The following CCDC88C variants were observed in gnomAD, a reference collection of about 807,000 sequenced individuals.
CCDC88C encodes protein Daple.
A neutral mutation model predicts 198.8 loss-of-function variants in CCDC88C; 131 were observed. That is an observed-to-expected ratio of 0.66 (90% CI 0.57 to 0.76). The LOEUF (loss-of-function observed/expected upper bound fraction) is 0.76, where lower values mean the gene tolerates loss of function less well. Ranked by LOEUF, CCDC88C falls within the 30% of genes least tolerant of loss-of-function variation. The pLI, the probability that CCDC88C is intolerant of heterozygous loss-of-function variation, is 0.00. For synonymous variants in CCDC88C, 1,166 were observed against 1,114.7 expected, an observed-to-expected ratio of 1.05 and a Z score of -0.92; for missense variants, 2,553 against 2,631.6, an observed-to-expected ratio of 0.97 and a Z score of 0.65.
chr14:91,377,124 C>T (rs1243992347), intron 3 of CCDC88C, among the ~76,000 whole-genome samples: 2 of 152,176 alleles, frequency 1.3e-5, no homozygotes, highest in Non-Finnish European at 2.9e-5. Context: ...AACAAACAAG[C>T]TCATCCCACC....
chr14:91,411,274 T>G (rs550062359), intron 2 of CCDC88C, among the ~76,000 whole-genome samples: 1 of 152,136 alleles, frequency 6.6e-6, no homozygotes, highest in African/African-American at 2.4e-5. Flanking sequence ...TCAAGAGACA[T>G]GGGTTCTAGC....
At chr14:91,294,151 G>C in intron 23 of CCDC88C, 22 bp downstream of exon 23, 1 of 1,612,978 alleles carries the variant, frequency 6.2e-7, no homozygotes, top group Non-Finnish European at 8.5e-7. Flanking sequence ...TGCGGAGAGG[G>C]GTTCAGGGAC....
At chr14:91,397,809 G>A (rs1009517399) in intron 3 of CCDC88C, among the ~76,000 whole-genome samples, 1 of 152,206 alleles carries the variant, frequency 6.6e-6, no homozygotes, top group African/African-American at 2.4e-5. Flanking sequence ...ACCCCACTGC[G>A]GGTGCAGATC....
chr14:91,305,986 C>T, intron 18 of CCDC88C, 60 bp from the exon 19 acceptor site: 2 of 1,565,654 alleles, frequency 1.3e-6, no homozygotes, highest in East Asian at 2.3e-5. Context: ...TAACTGGCCA[C>T]AGGTACTTGG....
At chr14:91,402,154 T>C (rs1333501238) in intron 3 of CCDC88C, among the ~76,000 whole-genome samples, 1 of 152,074 alleles carries the variant, frequency 6.6e-6, no homozygotes, top group Admixed American at 6.6e-5. Flanking sequence ...CGCACACCTG[T>C]GATCCCAGCT....
Position 91,338,593 on chromosome 14 carries a change from G to A in CCDC88C, c.810-23C>T. 1 of 1,531,746 alleles carries A rather than the reference G, an allele frequency of 6.5e-7. No individual in the cohort carries two copies. Among genetic ancestry groups the A allele is most frequent in the Non-Finnish European group, 8.9e-7 (1 of 1,128,374 alleles). 94.9% of individuals were successfully genotyped at this position (1,531,746 alleles called of 1,614,324 possible). ...TCCCTGCAGAGGCAGTAAGGAGAAAGAGTGTGGGAGGCAGCTTCCTCAACA... is the reference window on the plus strand; with the variant it reads ...TCCCTGCAGAGGCAGTAAGGAGAAAAAGTGTGGGAGGCAGCTTCCTCAACA... On this transcript the variant is annotated intron_variant, in intron 8 of 29. Transcript: ENST00000389857. This position sits in a 1 kb window ranked among gnomAD's most constrained non-coding sequence, Gnocchi z 4.8.
chr14:91,387,035 T>G (rs1029018168), intron 3 of CCDC88C, among the ~76,000 whole-genome samples: 3 of 152,242 alleles, frequency 2.0e-5, no homozygotes, highest in African/African-American at 7.2e-5. Flanking sequence ...CTAACCTTGT[T>G]GTGATTCCCA....
At chr14:91,282,117 C>A (rs1433083409) in intron 26 of CCDC88C, among the ~76,000 whole-genome samples, 1 of 152,206 alleles carries the variant, frequency 6.6e-6, no homozygotes, top group East Asian at 1.9e-4. Flanking sequence ...TGAGAGCAGA[C>A]CCTGGGTCCC....
chr14:91,329,520 A>G (rs1245854362), intron 10 of CCDC88C, among the ~76,000 whole-genome samples: 1 of 151,816 alleles, frequency 6.6e-6, no homozygotes, highest in African/African-American at 2.4e-5. Flanking sequence ...CACTTCCCAC[A>G]CCCCCTTTAT....
chr14:91,339,446 G>A lies in CCDC88C; in HGVS notation c.641C>T (p.Thr214Ile). Residue 214 changes from threonine (T) to isoleucine (I), a missense_variant, in exon 8 of 30, where the codon ACT becomes ATT. Thr to Ile is a moderately conservative substitution (Grantham distance 89, BLOSUM62 -1). Transcript: ENST00000389857. This position sits in a 1 kb window ranked among gnomAD's most constrained non-coding sequence, Gnocchi z 5.8. ...DECTELIVDL[T>I]QERDYLQAQH... is the part of the protein sequence containing the mutation. ...TGCCTGCAGGTAGTCCCGTTCCTGAGTGAGGTCCACGATCAGCTGCAGCCG... is the reference window on the plus strand; with the variant it reads ...TGCCTGCAGGTAGTCCCGTTCCTGAATGAGGTCCACGATCAGCTGCAGCCG... 6.2e-7 allele frequency: 1 copy of A among 1,606,414 alleles called. No homozygotes were observed. The highest frequency in any genetic ancestry group is 8.5e-7 in the Non-Finnish European group (1 of 1,173,750).
intron 2 of CCDC88C, among the ~76,000 whole-genome samples, chr14:91,413,777 A>AC (rs1432334139): frequency 6.6e-6 from 1 of 151,966 alleles, no homozygotes; most frequent in Non-Finnish European, 1.5e-5. Flanking sequence ...CAGTCACGTG[A>AC]CCCCCAGCCA....
chr14:91,387,416 C>T (rs558495326), intron 3 of CCDC88C, among the ~76,000 whole-genome samples: 2 of 152,284 alleles, frequency 1.3e-5, no homozygotes, highest in Admixed American at 1.3e-4. Context: ...CCAGTCAGGC[C>T]AAGCTACCTC....
intron 3 of CCDC88C, among the ~76,000 whole-genome samples, chr14:91,362,768 A>G (rs566625017): frequency 8.5e-4 from 130 of 152,268 alleles, no homozygotes; most frequent in South Asian, 6.2e-3. Flanking sequence ...TCTCTACTAA[A>G]TATACAAAAA....
At chr14:91,393,083 G>A (rs1885620360) in intron 3 of CCDC88C, among the ~76,000 whole-genome samples, 1 of 152,182 alleles carries the variant, frequency 6.6e-6, no homozygotes, top group Admixed American at 6.5e-5. Context: ...GCACTGGGCT[G>A]GGCATTTCCC....
chr14:91,402,016 T>C (rs1045230655), intron 3 of CCDC88C, among the ~76,000 whole-genome samples: 2 of 152,226 alleles, frequency 1.3e-5, no homozygotes, highest in Non-Finnish European at 2.9e-5. Flanking sequence ...GGATCATGCC[T>C]GTAATCCCAG....
chr14:91,417,612 G>A lies in CCDC88C; in HGVS notation c.60+19C>T. The A allele has an allele frequency of 6.3e-7, 1 of 1,580,904 alleles. No individual in the cohort carries two copies. The highest frequency in any genetic ancestry group is 8.6e-7 in the Non-Finnish European group (1 of 1,165,478). On this transcript the variant is annotated intron_variant, in intron 1 of 29. Transcript: ENST00000389857. ...AAGCCGGTGCACCAACAAAGGGGCG[G>A]GGAGCCAGGCGCACTCACCCAGGTC... is the stretch of plus-strand genomic sequence containing the variant.
At chr14:91,416,639 A>T in intron 2 of CCDC88C, 99 bp downstream of exon 2, 1 of 838,822 alleles carries the variant, frequency 1.2e-6, no homozygotes, top group Non-Finnish European at 2.0e-6. Flanking sequence ...ACTACCCCCC[A>T]CCCCACACAC....
chr14:91,309,450 A>G (rs1344848246), intron 16 of CCDC88C, among the ~76,000 whole-genome samples: 2 of 151,924 alleles, frequency 1.3e-5, no homozygotes, highest in African/African-American at 4.8e-5. Context: ...CAAAACATAC[A>G]AGGATTAGCC....
Position 91,312,931 on chromosome 14 carries a change from G to A in CCDC88C, c.2736+149C>T, listed in dbSNP as rs1329293346. 3 of 622,188 alleles carry A rather than the reference G, an allele frequency of 4.8e-6. No homozygotes were observed. The East Asian group carries it at 8.3e-5, about 17-fold the overall frequency. 38.5% of individuals were successfully genotyped at this position (622,188 alleles called of 1,614,324 possible). A position where few individuals can be genotyped will look rare whatever the true frequency, so the allele number is the denominator to read the frequency against. On this transcript the variant is annotated intron_variant, in intron 15 of 29. Transcript: ENST00000389857. ...GATTGTAATACGTGGTATTCACTGGGTTCTTAGACCTTTAGGTATTGCTGT... is the reference window on the plus strand; with the variant it reads ...GATTGTAATACGTGGTATTCACTGGATTCTTAGACCTTTAGGTATTGCTGT...
Sources: allele counts gnomAD v4.1 joint callset (sites outside exome capture counted in the v4.1 genomes callset), GRCh38; gene constraint gnomAD v4.1.1; non-coding constraint Gnocchi (gnomAD v3.1); transcripts MANE v1.5; gene names NCBI Gene and HGNC (gene_info 2026-07-23, HGNC 2026-07-21).